Variants in MASP1 observed in about 807,000 individuals in gnomAD.
MASP1 encodes mannan-binding lectin serine protease 1.
In MASP1, 59 loss-of-function variants were observed where a neutral mutation model predicts 77.1. The ratio of observed to expected loss-of-function variants is 0.77; its 90% CI spans 0.62 to 0.95. The LOEUF (loss-of-function observed/expected upper bound fraction) is 0.95. Ranked by LOEUF, MASP1 falls within the 40% of genes least tolerant of loss-of-function variation. The pLI is 0.00. For missense variants in MASP1, 885 were observed against 912.9 expected (o/e 0.97, Z 0.39); for synonymous variants, 362 against 354.5 (o/e 1.02, Z -0.24).
intron 4 of MASP1, among the ~76,000 whole-genome samples, chr3:187,260,411 A>G (rs1401466540): frequency 6.6e-6 from 1 of 152,236 alleles, no homozygotes; most frequent in East Asian, 1.9e-4. Flanking sequence ...TGGCTCAAAG[A>G]GAAGGAACTG....
intron 11 of MASP1, among the ~76,000 whole-genome samples, chr3:187,227,379 C>A (rs899502451): frequency 2.6e-5 from 4 of 152,208 alleles, no homozygotes; most frequent in African/African-American, 9.7e-5. Context: ...TGTCATCTTT[C>A]TCTGGATGGA....
intron 10 of MASP1, among the ~76,000 whole-genome samples, chr3:187,238,972 A>G (rs576960913): frequency 6.0e-4 from 92 of 152,266 alleles, no homozygotes; most frequent in Middle Eastern, 6.8e-3. Context: ...GTTCTGCCCA[A>G]CACTGGGTGT....
chr3:187,282,791 T>G (rs1373997197), intron 2 of MASP1, among the ~76,000 whole-genome samples: 2 of 152,194 alleles, frequency 1.3e-5, no homozygotes, highest in Non-Finnish European at 2.9e-5. Flanking sequence ...AGGGTGGCCT[T>G]CTGGAAGAGA....
In MASP1 at chr3:187,235,327, T is replaced by G; in HGVS notation, c.*357A>C. On this transcript the variant is annotated 3_prime_UTR_variant, in exon 11 of 11. Coordinates refer to ENST00000296280, the MANE Select transcript of MASP1 (RefSeq NM_139125.4). The stretch of plus-strand genomic sequence containing the variant: ...TTATACCAACAGTAGGACCGATGGG[T>G]TTGATAAGTGGTCAGGAGTGAATAA... The G allele has an allele frequency of 7.4e-7, 1 of 1,356,242 alleles. No individual in the cohort carries two copies. The highest frequency in any genetic ancestry group is 1.2e-5 in the South Asian group (1 of 81,528). 84.0% of individuals were successfully genotyped at this position (1,356,242 alleles called of 1,614,324 possible). A position where few individuals can be genotyped will look rare whatever the true frequency, so the allele number is the denominator to read the frequency against.
downstream of MASP1, among the ~76,000 whole-genome samples, chr3:187,231,699 C>CG (rs2108508209): frequency 6.6e-6 from 1 of 152,378 alleles, no homozygotes; most frequent in East Asian, 1.9e-4. Flanking sequence ...GGAGCATCCA[C>CG]GGTTTTAAGC....
In MASP1 at chr3:187,247,032, A is replaced by AT. The variant is rs3836477; in HGVS notation, c.1090+3218dup. 2,833 of 1,238,026 alleles carry AT rather than the reference A, an allele frequency of 2.3e-3. 6 individuals carry two copies. The highest frequency in any genetic ancestry group is 0.01 in the African/African-American group (649 of 64,840). The allele number at this position is 1,238,026 out of a possible 1,614,324, so 76.7% of individuals were successfully genotyped here. A position where few individuals can be genotyped will look rare whatever the true frequency, so the allele number is the denominator to read the frequency against. ...ATCTTTTGTCTCAAGGACCAAGGGC[A>AT]TTTTTTTTTTCCGTTGAGAAAAGTA... On this transcript the variant is annotated intron_variant, in intron 8 of 10. Transcript: ENST00000296280.
intron 2 of MASP1, among the ~76,000 whole-genome samples, chr3:187,282,023 A>G (rs1717455248): frequency 6.6e-6 from 1 of 152,142 alleles, no homozygotes; most frequent in Non-Finnish European, 1.5e-5. Flanking sequence ...CAGACTGCTC[A>G]CCCACTCTCT....
chr3:187,232,178 C>T (rs1001028554), downstream of MASP1, among the ~76,000 whole-genome samples: 1 of 152,140 alleles, frequency 6.6e-6, no homozygotes, highest in African/African-American at 2.4e-5. Context: ...CTTTACAACT[C>T]CTCCTCTTGG....
At chr3:187,283,858 T>C (rs1579589166) in intron 2 of MASP1, among the ~76,000 whole-genome samples, 1 of 152,202 alleles carries the variant, frequency 6.6e-6, no homozygotes, top group Admixed American at 6.5e-5. Flanking sequence ...TTTGGGGGAA[T>C]GGGCCGGGAG....
chr3:187,223,255 C>A lies in MASP1; in HGVS notation c.1742-61G>T, dbSNP rs928807526. 3.1e-6 allele frequency: 4 copies of A among 1,269,918 alleles called. No homozygotes were observed. The African/African-American group carries it at 5.9e-5, about 19-fold the overall frequency. The allele number at this position is 1,269,918 out of a possible 1,614,324, so 78.7% of individuals were successfully genotyped here. A position where few individuals can be genotyped will look rare whatever the true frequency, so the allele number is the denominator to read the frequency against. On this transcript the variant is annotated intron_variant, in intron 13 of 15. Transcript: ENST00000337774. ...TATCTGTGGGGTGTTTGGAGGGGTG[C>A]AGCTTGCAGCTCCATCATCCTCTTC... is the stretch of plus-strand genomic sequence containing the variant.
chr3:187,251,445 T>G (rs546162037), intron 7 of MASP1, 189 bp downstream of exon 7: 1 of 584,732 alleles, frequency 1.7e-6, no homozygotes, highest in East Asian at 2.9e-5. Context: ...TTTGTGCCAC[T>G]TTCAGAGTGT....
chr3:187,277,298 G>C (rs1053208224), intron 2 of MASP1, among the ~76,000 whole-genome samples: 5 of 152,108 alleles, frequency 3.3e-5, no homozygotes, highest in African/African-American at 1.2e-4. Context: ...CACAGACATA[G>C]GCCCTGAACT....
rs754083879 is a variant in MASP1 at position 187,235,614 on chromosome 3, G to A, written c.*70C>T. On this transcript the variant is annotated 3_prime_UTR_variant, in exon 11 of 11. Transcript: ENST00000296280. Reference sequence around the variant, plus strand: ...CATTCCATATGGTCTGATAAGTAATGTGGAGTGTGCTGTCGGAAGTGCGGT... The same window carrying A: ...CATTCCATATGGTCTGATAAGTAATATGGAGTGTGCTGTCGGAAGTGCGGT... 3.7e-6 allele frequency: 6 copies of A among 1,605,164 alleles called. No individual in the cohort carries two copies. In the Admixed American group the frequency reaches 8.3e-5, roughly 22 times the overall value.
rs1457084257 is a variant in MASP1, at chr3:187,221,169, G to A, written c.1810-35C>T. On this transcript the variant is annotated intron_variant, in intron 14 of 15. Transcript: ENST00000337774. Reference sequence around the variant, plus strand: ...AAAGCTGTTATTGGTCCTCATCCCCGGCTGAGAAGCCTCTGCTATTCTGAC... The same window carrying A: ...AAAGCTGTTATTGGTCCTCATCCCCAGCTGAGAAGCCTCTGCTATTCTGAC... 35 of 1,509,510 alleles carry A rather than the reference G, an allele frequency of 2.3e-5. No homozygotes were observed. The Middle Eastern group carries it at 5.1e-4, about 22-fold the overall frequency. 93.5% of individuals were successfully genotyped at this position (1,509,510 alleles called of 1,614,324 possible).
chr3:187,229,020 C>A (rs557953430), intron 11 of MASP1, among the ~76,000 whole-genome samples: 3 of 152,152 alleles, frequency 2.0e-5, no homozygotes, highest in African/African-American at 7.2e-5. Context: ...TGGGCCAAGC[C>A]GGGCCTTCTT....
At chr3:187,276,789 G>A (rs568671175) in intron 2 of MASP1, 9 of 152,262 alleles carry the variant, frequency 5.9e-5, no homozygotes, top group East Asian at 1.9e-4. Flanking sequence ...GAATTCCACC[G>A]GAGACTACAA....
Position 187,250,314 on chromosome 3 carries a change from C to G in MASP1, c.1027G>C (p.Asp343His). 6.2e-7 allele frequency: 1 copy of G among 1,613,060 alleles called. No homozygotes were observed. Among genetic ancestry groups the G allele is most frequent in the Non-Finnish European group, 8.5e-7 (1 of 1,179,064 alleles). The stretch of plus-strand genomic sequence containing the variant: ...TTCAGACACTCAATCTGGAATGTGT[C>G]CATCTCCACATTATCCTGGGAAGAG... ...YKVLKDNVEM[D>H]TFQIECLKDG... The change falls in exon 8 of 11, where the codon GAC becomes CAC. Residue 343 changes from aspartate (D) to histidine (H), a missense_variant. Transcript: ENST00000296280.
chr3:187,243,013 C>G (rs1713785526), intron 9 of MASP1: 1 of 263,114 alleles, frequency 3.8e-6, no homozygotes, highest in South Asian at 4.7e-5. Flanking sequence ...CTGAATGGGT[C>G]TGGCCTGGTG....
rs747068992 is a variant in MASP1 at position 187,236,462 on chromosome 3, TC to T, written c.1408del (p.Glu470ArgfsTer39). 6.2e-7 allele frequency: 1 copy of T among 1,613,988 alleles called. No individual in the cohort carries two copies. The highest frequency in any genetic ancestry group is 8.5e-7 in the Non-Finnish European group (1 of 1,179,966). On this transcript the variant is annotated frameshift_variant, in exon 11 of 11. Coordinates refer to ENST00000296280, the MANE Select transcript of MASP1 (RefSeq NM_139125.4). LOFTEE classifies it high-confidence loss of function. ...LFPWQALIVVEDTSRVPNDKW... is the reference protein window; with the variant it reads ...LFPWQALIVVXDTSRVPNDKW... ...GTCATTTGGCACTCTCGAAGTGTCC[TC>T]CACCACTATCAGGGCCTGCCACGGG...
Sources: allele counts gnomAD v4.1 joint callset (sites outside exome capture counted in the v4.1 genomes callset), GRCh38; gene constraint gnomAD v4.1.1; transcripts MANE v1.5; gene names NCBI Gene and HGNC (gene_info 2026-07-23, HGNC 2026-07-21).